The following TCF7L2 variants were observed in gnomAD, a reference collection of about 807,000 sequenced individuals.
TCF7L2 encodes transcription factor 7 like 2.
TCF7L2 carries 23 observed loss-of-function variants against 77.9 expected under a neutral mutation model. The observed-to-expected ratio is 0.30, with a 90% CI of 0.21 to 0.42. TCF7L2 has a LOEUF of 0.42. Among genes scored for constraint, TCF7L2 ranks in the 10% least tolerant of loss-of-function variants. TCF7L2 has a pLI of 1.00. For missense variants in TCF7L2, 654 were observed against 793.1 expected, an observed-to-expected ratio of 0.82 and a Z score of 2.11; for synonymous variants, 413 against 340.2, an observed-to-expected ratio of 1.21 and a Z score of -2.36.
At chr10:113,042,110 C>T (rs1477366677) in intron 5 of TCF7L2, among the ~76,000 whole-genome samples, 1 of 152,180 alleles carries the variant, frequency 6.6e-6, no homozygotes, top group Non-Finnish European at 1.5e-5. Context: ...CCCACAAGAA[C>T]AGTTGCCACA....
chr10:112,976,757 G>A (rs1171391771), intron 4 of TCF7L2, among the ~76,000 whole-genome samples: 1 of 152,202 alleles, frequency 6.6e-6, no homozygotes, highest in Non-Finnish European at 1.5e-5. Context: ...GGTAGTTTGA[G>A]ATGAGTGTTC....
intron 5 of TCF7L2, among the ~76,000 whole-genome samples, chr10:113,097,731 C>G (rs1273863086): frequency 6.9e-6 from 1 of 144,364 alleles, no homozygotes; most frequent in Non-Finnish European, 1.5e-5. Context: ...GGAGGGATTT[C>G]TTATGGCATC....
chr10:113,041,310 C>T (rs2052398658), intron 5 of TCF7L2, among the ~76,000 whole-genome samples: 1 of 152,206 alleles, frequency 6.6e-6, no homozygotes. Flanking sequence ...CTTCCCCTTT[C>T]CTCTAACTCC....
At chr10:113,133,403 C>G (rs751191715) in intron 5 of TCF7L2, 12 of 152,272 alleles carry the variant, frequency 7.9e-5, no homozygotes, top group Non-Finnish European at 1.6e-4. Context: ...TCTCACCCCC[C>G]AGCCCTTCCA....
chr10:113,157,734 T>C (rs1428450932), intron 11 of TCF7L2: 1 of 312,850 alleles, frequency 3.2e-6, no homozygotes, highest in African/African-American at 2.2e-5. Flanking sequence ...TCAAATGCTG[T>C]GGGTCAGGTT....
chr10:113,074,176 T>G (rs1258307600), intron 5 of TCF7L2, among the ~76,000 whole-genome samples: 3 of 152,194 alleles, frequency 2.0e-5, no homozygotes, highest in Non-Finnish European at 4.4e-5. Flanking sequence ...TACTTGGACT[T>G]ACTTTATGCA....
At chr10:112,983,026 CTTATAA>C (rs1189502073) in intron 4 of TCF7L2, among the ~76,000 whole-genome samples, 1 of 152,068 alleles carries the variant, frequency 6.6e-6, no homozygotes, top group Non-Finnish European at 1.5e-5. Flanking sequence ...TGAGATGGGA[CTTATAA>C]TTATTATTTA....
At position 113,165,904 on chromosome 10, in the gene TCF7L2, C is replaced by T. The variant is rs747078789; in HGVS notation, c.1741C>T (p.His581Tyr). The T allele has an allele frequency of 2.5e-6, 4 of 1,594,254 alleles. No individual in the cohort carries two copies. The highest frequency in any genetic ancestry group is 3.4e-6 in the Non-Finnish European group (4 of 1,169,014). Residue 581 changes from histidine (H) to tyrosine (Y), a missense_variant, in exon 14 of 14, where the codon CAT becomes TAT. This residue lies in a region of TCF7L2 where 272 missense variants were observed against 215.4 expected (regional missense o/e 1.26). Transcript: ENST00000627217. ...TGCACAGCCGTCGACTTCTTCCTTA[C>T]ATTCCCACAGCTCCCTGGCCGGGAC...
At chr10:112,973,851 A>G (rs2038832160) in intron 4 of TCF7L2, among the ~76,000 whole-genome samples, 1 of 152,058 alleles carries the variant, frequency 6.6e-6, no homozygotes, top group Admixed American at 6.6e-5. Flanking sequence ...TGGCCTCCCA[A>G]AGTACTGGGA....
chr10:113,146,601 G>A (rs1031659622), intron 8 of TCF7L2, among the ~76,000 whole-genome samples: 2 of 151,080 alleles, frequency 1.3e-5, no homozygotes, highest in South Asian at 2.1e-4. Context: ...CGTAGTAGCC[G>A]TGTTTTTAAA....
At chr10:113,059,378 T>C (rs1266464944) in intron 5 of TCF7L2, among the ~76,000 whole-genome samples, 1 of 146,856 alleles carries the variant, frequency 6.8e-6, no homozygotes, top group East Asian at 2.2e-4. Context: ...CATGCAAACA[T>C]TGGTATTCAA....
intron 5 of TCF7L2, among the ~76,000 whole-genome samples, chr10:113,133,753 C>T (rs2066958831): frequency 6.6e-6 from 1 of 152,180 alleles, no homozygotes; most frequent in African/African-American, 2.4e-5. Context: ...CATCTCTCTT[C>T]CTCTTCTTGC....
intron 4 of TCF7L2, among the ~76,000 whole-genome samples, chr10:112,979,653 G>A (rs1186130674): frequency 1.3e-5 from 2 of 152,028 alleles, no homozygotes; most frequent in Non-Finnish European, 2.9e-5. Context: ...GGCTACTGGG[G>A]AGCTGAGGCA....
intron 13 of TCF7L2, among the ~76,000 whole-genome samples, chr10:113,164,108 T>A (rs1029728577): frequency 2.0e-5 from 3 of 152,198 alleles, no homozygotes; most frequent in Non-Finnish European, 4.4e-5. Flanking sequence ...TGAGCACACT[T>A]CCTGTATCTG....
chr10:113,100,866 G>T (rs979104892), intron 5 of TCF7L2, among the ~76,000 whole-genome samples: 2 of 152,132 alleles, frequency 1.3e-5, no homozygotes, highest in Admixed American at 1.3e-4. Context: ...ACCTGAGGTC[G>T]GGAGTTCGAG....
At chr10:113,158,855 G>A in intron 12 of TCF7L2, 138 bp downstream of exon 13, 2 of 653,224 alleles carry the variant, frequency 3.1e-6, no homozygotes, top group East Asian at 3.9e-5. Context: ...GGTTTCGTAT[G>A]TTTCAGTAGA....
intron 5 of TCF7L2, among the ~76,000 whole-genome samples, chr10:113,043,688 C>T (rs1320692144): frequency 1.3e-5 from 2 of 152,074 alleles, no homozygotes; most frequent in Non-Finnish European, 2.9e-5. Context: ...CACCCCCCAG[C>T]CTCCCCAGTC....
At chr10:113,154,679 C>T (rs1322116131) in intron 11 of TCF7L2, among the ~76,000 whole-genome samples, 8 of 152,080 alleles carry the variant, frequency 5.3e-5, no homozygotes, top group East Asian at 1.9e-4. Context: ...CATACTTTCT[C>T]GGTTTCAGAA....
chr10:113,060,086 G>A (rs148918745), intron 5 of TCF7L2, among the ~76,000 whole-genome samples: 9 of 152,162 alleles, frequency 5.9e-5, no homozygotes, highest in Non-Finnish European at 8.8e-5. Flanking sequence ...GCTGTTCAGC[G>A]GATACCCTGT....
Sources: allele counts gnomAD v4.1 joint callset (sites outside exome capture counted in the v4.1 genomes callset), GRCh38; gene constraint gnomAD v4.1.1; regional missense constraint gnomAD v4.1.1; transcripts MANE v1.5; gene names NCBI Gene and HGNC (gene_info 2026-07-23, HGNC 2026-07-21).